Variants in FAM118A observed in about 807,000 individuals in gnomAD.
FAM118A encodes the protein protein FAM118A.
In FAM118A, 25 loss-of-function variants were observed where a neutral mutation model predicts 38.2. The ratio of observed to expected loss-of-function variants is 0.65; its 90% CI spans 0.48 to 0.91. FAM118A has a LOEUF of 0.91. FAM118A is among the 40% of genes least tolerant of loss of function. The probability of loss-of-function intolerance (pLI) is 0.00; values close to 1 mark genes in which losing one functional copy is unlikely to be tolerated. For synonymous variants in FAM118A, 178 were observed against 184.1 expected (o/e 0.97, Z 0.27); for missense variants, 425 against 463.3 (o/e 0.92, Z 0.76).
intron 3 of FAM118A, among the ~76,000 whole-genome samples, chr22:45,325,383 C>G (rs1394277100): frequency 6.6e-6 from 1 of 152,128 alleles, no homozygotes; most frequent in Non-Finnish European, 1.5e-5. Context: ...ATCAGGAATT[C>G]CAGCAACACC....
intron 6 of FAM118A, among the ~76,000 whole-genome samples, chr22:45,334,044 G>A (rs941627882): frequency 6.6e-6 from 1 of 152,152 alleles, no homozygotes; most frequent in Admixed American, 6.5e-5. Context: ...AACTTCACAA[G>A]CACAAAATGA....
intron 1 of FAM118A, among the ~76,000 whole-genome samples, chr22:45,314,428 G>A (rs1476142534): frequency 6.6e-6 from 1 of 152,212 alleles, no homozygotes; most frequent in East Asian, 1.9e-4. Flanking sequence ...TTAAAGTGTT[G>A]GGGTCACAGT....
rs567613989 is a variant in FAM118A, at chr22:45,330,488, C to A, written c.523-115C>A. The A allele has an allele frequency of 9.3e-6, 11 of 1,181,662 alleles. No homozygotes were observed. The South Asian group carries it at 2.1e-4, about 23-fold the overall frequency. The allele number at this position is 1,181,662 out of a possible 1,614,324, so 73.2% of individuals were successfully genotyped here. Reference sequence around the variant, plus strand: ...TATAAGTGTAAAGTGAAGCATCTCTCGATGATTCTTTCCAAGATAGGTTTA... The same window carrying A: ...TATAAGTGTAAAGTGAAGCATCTCTAGATGATTCTTTCCAAGATAGGTTTA... On this transcript the variant is annotated intron_variant, in intron 4 of 8. Transcript: ENST00000441876.
chr22:45,312,740 A>G lies in FAM118A; in HGVS notation c.-10+2557A>G, dbSNP rs577585497. On this transcript the variant is annotated intron_variant, in intron 1 of 8. Coordinates refer to ENST00000441876, the MANE Select transcript of FAM118A (RefSeq NM_017911.4). Reference sequence around the variant, plus strand: ...GGTTTACTGGTTTGTTATGAAAGATATCGCAAAGGACACAGATGAGAAGAT... The same window carrying G: ...GGTTTACTGGTTTGTTATGAAAGATGTCGCAAAGGACACAGATGAGAAGAT... Among the ~76,000 whole-genome samples the G allele has an allele frequency of 4.6e-5, 7 of 152,304 alleles. No individual in the cohort carries two copies. The East Asian group carries it at 1.4e-3, about 29-fold the overall frequency.
Position 45,341,733 on chromosome 22 carries a change from G to C in FAM118A, c.*1328G>C, listed in dbSNP as rs2086462784. 1 of 152,172 alleles carries C rather than the reference G, an allele frequency of 6.6e-6. No homozygotes were observed. Among genetic ancestry groups the C allele is most frequent in the Non-Finnish European group, 1.5e-5 (1 of 68,064 alleles). 9.4% of individuals were successfully genotyped at this position (152,172 alleles called of 1,614,324 possible). On this transcript the variant is annotated 3_prime_UTR_variant, in exon 9 of 9. Coordinates refer to ENST00000441876, the MANE Select transcript of FAM118A (RefSeq NM_017911.4). ...CTTTGGAAACAAACAGCCCTGCTTGGTTTCAGTTTGAGGCCACTTATCTTC... is the reference window on the plus strand; with the variant it reads ...CTTTGGAAACAAACAGCCCTGCTTGCTTTCAGTTTGAGGCCACTTATCTTC...
Position 45,336,432 on chromosome 22 carries a change from G to A in FAM118A, c.1054+21G>A, listed in dbSNP as rs200451366. 1,092 of 1,597,510 alleles carry A rather than the reference G, an allele frequency of 6.8e-4. 3 individuals are homozygous for A. Among genetic ancestry groups the A allele is most frequent in the Non-Finnish European group, 8.6e-4 (999 of 1,165,318 alleles). ...TACTGGTATTGTGTCTGTTCTTTTT[G>A]TGGGGAGCTGCCTCGGGTCTCTCTT... On this transcript the variant is annotated intron_variant, in intron 8 of 8. Transcript: ENST00000441876.
intron 5 of FAM118A, 39 bp downstream of exon 5, chr22:45,330,770 G>A (rs1423677626): frequency 1.4e-6 from 2 of 1,479,388 alleles, no homozygotes; most frequent in African/African-American, 1.4e-5. Context: ...CGTCCTCTCA[G>A]GGATTACTGG....
intron 5 of FAM118A, 30 bp downstream of exon 5, chr22:45,330,761 G>A (rs371821632): frequency 4.7e-5 from 70 of 1,497,638 alleles, no homozygotes; most frequent in African/African-American, 2.5e-4. Flanking sequence ...GCATCGGTGC[G>A]TCCTCTCAGG....
rs2085006968 is a variant in FAM118A, at chr22:45,323,219, T to C, written c.92T>C (p.Leu31Pro). 2 of 1,613,994 alleles carry C rather than the reference T, an allele frequency of 1.2e-6. No individual in the cohort carries two copies. Among genetic ancestry groups the C allele is most frequent in the Non-Finnish European group, 1.7e-6 (2 of 1,179,968 alleles). ...ATCCGGAAACAGCCCCAGGAACTGCTCCTGGTTATCGGGACTGGCGTCAGC... is the reference window on the plus strand; with the variant it reads ...ATCCGGAAACAGCCCCAGGAACTGCCCCTGGTTATCGGGACTGGCGTCAGC... ...SLIRKQPQEL[L>P]LVIGTGVSAA... Residue 31 changes from leucine to proline, a missense_variant, in exon 3 of 9, where the codon CTC (leucine) becomes CCC (proline). Coordinates refer to ENST00000441876, the MANE Select transcript of FAM118A (RefSeq NM_017911.4).
chr22:45,325,292 A>C (rs1601926316), intron 3 of FAM118A, among the ~76,000 whole-genome samples: 1 of 152,296 alleles, frequency 6.6e-6, no homozygotes, highest in East Asian at 1.9e-4. Context: ...AACCTCCATC[A>C]GGAAGCGTTG....
At chr22:45,333,174 T>G (rs777905596) in intron 6 of FAM118A, among the ~76,000 whole-genome samples, 9 of 152,174 alleles carry the variant, frequency 5.9e-5, no homozygotes, top group Non-Finnish European at 1.3e-4. Flanking sequence ...CCTCTGTAAT[T>G]TAAAATTAGA....
chr22:45,330,439 C>T lies in FAM118A; in HGVS notation c.523-164C>T, dbSNP rs796696547. The T allele has an allele frequency of 9.6e-5, 70 of 725,744 alleles. No homozygotes were observed. In the African/African-American group the frequency reaches 1.1e-3, roughly 12 times the overall value. 45.0% of individuals were successfully genotyped at this position (725,744 alleles called of 1,614,324 possible). A position where few individuals can be genotyped will look rare whatever the true frequency, so the allele number is the denominator to read the frequency against. On this transcript the variant is annotated intron_variant, in intron 4 of 8. Coordinates refer to ENST00000441876, the MANE Select transcript of FAM118A (RefSeq NM_017911.4). ...GACGGGAATAACTAGGGCTCACAAC[C>T]AAGTTTCTCTTAGGTTTTGAAGGTA...
chr22:45,339,918 C>T (rs931740567), intron 8 of FAM118A, among the ~76,000 whole-genome samples: 1 of 152,168 alleles, frequency 6.6e-6, no homozygotes, highest in South Asian at 2.1e-4. Flanking sequence ...CCTGCAGCCC[C>T]GGCTCTCCCC....
chr22:45,332,357 A>C, intron 5 of FAM118A, 68 bp from the exon 6 acceptor site: 1 of 1,511,260 alleles, frequency 6.6e-7, no homozygotes, highest in Non-Finnish European at 9.0e-7. Context: ...CACACATGTG[A>C]CTTGGTTAGT....
Position 45,333,116 on chromosome 22 carries a change from C to T in FAM118A, c.937+406C>T, listed in dbSNP as rs532794120. ...CTCTCTGTCTTTTTTTGATGGAACC[C>T]ACATACCCCTAAAATTCACCAGTCT... On this transcript the variant is annotated intron_variant, in intron 6 of 8. Transcript: ENST00000441876. 2.3e-3 allele frequency among the ~76,000 whole-genome samples: 351 copies of T among 152,264 alleles called. 1 individual carries two copies. Among genetic ancestry groups the T allele is most frequent in the African/African-American group, 7.9e-3 (329 of 41,520 alleles).
In FAM118A at chr22:45,323,359, C is replaced by A. The variant is rs201243350; in HGVS notation, c.232C>A (p.Arg78=). 6.2e-7 allele frequency: 1 copy of A among 1,614,126 alleles called. No individual in the cohort carries two copies. The highest frequency in any genetic ancestry group is 1.7e-5 in the Admixed American group (1 of 60,012). ...VLHPGDVAEF[R]RKVTKDRDLL... is the part of the protein sequence containing the mutation. The stretch of plus-strand genomic sequence containing the variant: ...GCACCCCGGAGACGTCGCCGAGTTC[C>A]GGAGGAAAGTGACAAAGGACCGGGA... Residue 78 remains arginine (R), a synonymous_variant, in exon 3 of 9, where the codon CGG becomes AGG. Transcript: ENST00000441876.
At chr22:45,319,022 C>T (rs949539301) in intron 1 of FAM118A, 14 of 152,138 alleles carry the variant, frequency 9.2e-5, no homozygotes, top group African/African-American at 2.9e-4. Flanking sequence ...CACTTAATTT[C>T]GGAGTTAAAT....
At chr22:45,335,597 C>T (rs529810825) in intron 7 of FAM118A, among the ~76,000 whole-genome samples, 3 of 152,212 alleles carry the variant, frequency 2.0e-5, no homozygotes, top group Admixed American at 6.5e-5. Context: ...GAAGCACAGC[C>T]GAATCACACG....
chr22:45,309,391 A>T (rs2084274117), upstream of FAM118A: 2 of 152,196 alleles, frequency 1.3e-5, no homozygotes. Flanking sequence ...AAGCGTACCT[A>T]ATTTCGGAGA....
Sources: gnomAD v4.1 joint callset for allele counts (sites outside exome capture counted in the v4.1 genomes callset) on GRCh38, gnomAD v4.1.1 for gene constraint, MANE v1.5 for transcripts, NCBI Gene and HGNC (gene_info 2026-07-23, HGNC 2026-07-21) for gene names.